The following FER1L5 variants were observed in gnomAD, a reference collection of about 807,000 sequenced individuals.
FER1L5 encodes fer-1-like protein 5.
FER1L5 carries 187 observed loss-of-function variants against 279.9 expected under a neutral mutation model. The observed-to-expected ratio is 0.67, with a 90% CI of 0.59 to 0.75. The LOEUF is 0.75. Ranked by LOEUF, FER1L5 falls within the 30% of genes least tolerant of loss-of-function variation. The pLI, the probability that FER1L5 is intolerant of heterozygous loss-of-function variation, is 0.00. For missense variants in FER1L5, 2,091 were observed against 2,594.4 expected (o/e 0.81, Z 4.21); for synonymous variants, 921 against 989.7 (o/e 0.93, Z 1.30).
In FER1L5 at chr2:96,695,540, A is replaced by C. The variant is rs746697607; in HGVS notation, c.3773A>C (p.Lys1258Thr). ...ILAWGLRNMKKASSPQLLVEF... is the reference protein window; with the variant it reads ...ILAWGLRNMKTASSPQLLVEF... ...GCCTGGGGCCTTCGGAACATGAAGA[A>C]GGCGAGCTCCCCCCAGCTCCTGGTG... Residue 1258 changes from lysine (K) to threonine (T), a missense_variant, in exon 35 of 53, where the codon AAG becomes ACG. By Grantham distance (78) the Lys-to-Thr change is moderately conservative (BLOSUM62 -1). Transcript: ENST00000624922. The C allele has an allele frequency of 4.4e-6, 7 of 1,593,816 alleles. No individual in the cohort carries two copies. In the African/African-American group the frequency reaches 5.4e-5, roughly 12 times the overall value.
Position 96,692,099 on chromosome 2 carries a change from C to T in FER1L5, c.3215-5C>T. ...AGGTGACAGGCATGGCTTCTCTTTC[C>T]CCAGAGCCCCACTACTACCAGCTCT... is the stretch of plus-strand genomic sequence containing the variant. On this transcript the variant is annotated splice_region_variant and splice_polypyrimidine_tract_variant and intron_variant, in intron 30 of 52. Transcript: ENST00000624922. 6.4e-7 allele frequency: 1 copy of T among 1,551,544 alleles called. No individual in the cohort carries two copies. Among genetic ancestry groups the T allele is most frequent in the Non-Finnish European group, 8.7e-7 (1 of 1,146,916 alleles).
chr2:96,702,786 A>ACC lies in FER1L5; in HGVS notation c.5397+47_5397+48dup, dbSNP rs1558936537. On this transcript the variant is annotated intron_variant, in intron 48 of 52. Transcript: ENST00000624922. This position sits in a 1 kb window ranked among gnomAD's most constrained non-coding sequence, Gnocchi z 4.0. ...AGGGGCAACAGGCCACAACAAACAG[A>ACC]CCCAGGCTCCTGGAGCTCCTCCCCC... 6.2e-7 allele frequency: 1 copy of ACC among 1,604,340 alleles called. No individual in the cohort carries two copies. Among genetic ancestry groups the ACC allele is most frequent in the Non-Finnish European group, 8.5e-7 (1 of 1,175,884 alleles).
intron 14 of FER1L5, among the ~76,000 whole-genome samples, chr2:96,663,936 G>A (rs1241216821): frequency 2.0e-5 from 3 of 152,020 alleles, no homozygotes; most frequent in South Asian, 2.1e-4. Flanking sequence ...CCAGCTACTC[G>A]GGAGGGTGAG....
intron 24 of FER1L5, among the ~76,000 whole-genome samples, chr2:96,688,294 A>G (rs1215574042): frequency 6.6e-6 from 1 of 152,118 alleles, no homozygotes; most frequent in Non-Finnish European, 1.5e-5. Flanking sequence ...CTCCTAGTTC[A>G]TCAACAGCAC....
At chr2:96,647,180 G>A (rs1429858405) in intron 3 of FER1L5, 25 bp downstream of exon 3, 3 of 1,548,888 alleles carry the variant, frequency 1.9e-6, no homozygotes, top group East Asian at 4.9e-5. Context: ...GGCAGGAGGA[G>A]CCTAGCTCCT....
At chr2:96,665,470 C>G (rs1028220832) in intron 14 of FER1L5, among the ~76,000 whole-genome samples, 2 of 152,174 alleles carry the variant, frequency 1.3e-5, no homozygotes, top group South Asian at 2.1e-4. Context: ...GTCCATCCCC[C>G]ATCCTTGCCA....
chr2:96,692,234 A>G, intron 31 of FER1L5, 53 bp downstream of exon 31: 1 of 1,539,482 alleles, frequency 6.5e-7, no homozygotes, highest in Non-Finnish European at 8.8e-7. Context: ...CAGGGAGGAG[A>G]GCAGGGTTGT....
In FER1L5 at chr2:96,702,350, T is replaced by C; in HGVS notation, c.5204T>C (p.Leu1735Pro). ...ATCTGGAAGACTGCCAATGTGGACC[T>C]GGTGGATGACAATTTAAGTAGAGAG... ...CIIWKTANVDLVDDNLSREKT... is the reference protein window; with the variant it reads ...CIIWKTANVDPVDDNLSREKT... Residue 1735 changes from leucine to proline, a missense_variant, in exon 47 of 53, where the codon CTG (leucine) becomes CCG (proline). Coordinates refer to ENST00000624922, the MANE Select transcript of FER1L5 (RefSeq NM_001293083.2). This position sits in a 1 kb window ranked among gnomAD's most constrained non-coding sequence, Gnocchi z 4.0. 5.6e-6 allele frequency: 9 copies of C among 1,613,222 alleles called. No individual in the cohort carries two copies. The highest frequency in any genetic ancestry group is 6.8e-6 in the Non-Finnish European group (8 of 1,179,676).
chr2:96,664,866 C>A (rs2076075134), intron 14 of FER1L5, among the ~76,000 whole-genome samples: 1 of 152,228 alleles, frequency 6.6e-6, no homozygotes, highest in Non-Finnish European at 1.5e-5. Flanking sequence ...ATCTTCTCAG[C>A]AACTTTGCCC....
chr2:96,704,041 C>T (rs916402265), intron 51 of FER1L5, among the ~76,000 whole-genome samples, 174 bp from the exon 52 acceptor site: 6 of 152,106 alleles, frequency 3.9e-5, no homozygotes, highest in African/African-American at 1.2e-4. Flanking sequence ...GTCTCAAACT[C>T]CTGACCTCAG....
Position 96,696,052 on chromosome 2 carries a change from C to T in FER1L5, c.4058C>T (p.Thr1353Met), listed in dbSNP as rs371201997. ...AQDYMHPKLP[T>M]LSEKKHQDFL... Reference sequence around the variant, plus strand: ...TCGTCCCTGCGCTCTCCCCGCACAGCGCTGTCTGAGAAGAAGCACCAAGAC... The same window carrying T: ...TCGTCCCTGCGCTCTCCCCGCACAGTGCTGTCTGAGAAGAAGCACCAAGAC... The change falls in exon 37 of 53, where the codon ACG becomes ATG. Residue 1353 changes from threonine to methionine, a missense_variant and splice_region_variant. By Grantham distance (81) the Thr-to-Met change is moderately conservative (BLOSUM62 -1). Coordinates refer to ENST00000624922, the MANE Select transcript of FER1L5 (RefSeq NM_001293083.2). 2.3e-5 allele frequency: 37 copies of T among 1,613,824 alleles called. No individual in the cohort carries two copies. The highest frequency in any genetic ancestry group is 6.7e-5 in the African/African-American group (5 of 74,950).
chr2:96,671,106 C>CGAAAAAAAAAAAA (rs2076309212), intron 18 of FER1L5, among the ~76,000 whole-genome samples: 1 of 40,222 alleles, frequency 2.5e-5, no homozygotes, highest in Non-Finnish European at 3.9e-5. Flanking sequence ...GACTCCATCT[C>CGAAAAAAAAAAAA]AAAAAAAAAA....
At chr2:96,675,709 G>C (rs1276080209) in intron 19 of FER1L5, among the ~76,000 whole-genome samples, 3 of 152,226 alleles carry the variant, frequency 2.0e-5, no homozygotes, top group Non-Finnish European at 4.4e-5. Flanking sequence ...TTACAGGCGT[G>C]AGACACTGTG....
intron 6 of FER1L5, among the ~76,000 whole-genome samples, chr2:96,650,776 C>T (rs2075326670): frequency 6.6e-6 from 1 of 152,198 alleles, no homozygotes; most frequent in African/African-American, 2.4e-5. Context: ...ACATTCCTGC[C>T]GTGGTTTTAC....
In FER1L5 at chr2:96,642,928, G is replaced by C; in HGVS notation, c.85+7G>C. The C allele has an allele frequency of 1.3e-6, 2 of 1,549,510 alleles. No homozygotes were observed. On this transcript the variant is annotated splice_region_variant and intron_variant, in intron 1 of 52. Transcript: ENST00000624922. ...ATGTCCATCGACTTCAGAGGTGAGA[G>C]CCTCCCTGGGTCCACATGGGAGAGA... is the stretch of plus-strand genomic sequence containing the variant.
At chr2:96,644,676 G>A (rs1188441290) in intron 1 of FER1L5, among the ~76,000 whole-genome samples, 1 of 152,082 alleles carries the variant, frequency 6.6e-6, no homozygotes, top group Non-Finnish European at 1.5e-5. Context: ...AGTAATGAAT[G>A]GAATTTCTTT....
intron 8 of FER1L5, 118 bp downstream of exon 8, chr2:96,653,820 A>G (rs1185908645): frequency 1.4e-6 from 1 of 709,242 alleles, no homozygotes; most frequent in Non-Finnish European, 2.4e-6. Context: ...TGTCTTCCTG[A>G]TCCCCACCAC....
At chr2:96,663,531 C>T in intron 14 of FER1L5, 24 bp downstream of exon 14, 1 of 1,550,398 alleles carries the variant, frequency 6.4e-7, no homozygotes, top group Non-Finnish European at 8.7e-7. Context: ...ATCATGCCCA[C>T]CCTTCTCCCA....
In FER1L5 at chr2:96,671,619, A is replaced by G. The variant is rs2076332566; in HGVS notation, c.1491+1372A>G. ...CTACTAGACACAGGGATGTGACATCAACACACCAAGGTTTGAACCTGTGGT... is the reference window on the plus strand; with the variant it reads ...CTACTAGACACAGGGATGTGACATCGACACACCAAGGTTTGAACCTGTGGT... On this transcript the variant is annotated intron_variant, in intron 18 of 52. Transcript: ENST00000624922. Among the ~76,000 whole-genome samples, 2 of 152,230 alleles carry G rather than the reference A, an allele frequency of 1.3e-5. 1 individual carries two copies. Among genetic ancestry groups the G allele is most frequent in the South Asian group, 4.1e-4 (2 of 4,832 alleles).
Sources: allele counts gnomAD v4.1 joint callset (sites outside exome capture counted in the v4.1 genomes callset), GRCh38; gene constraint gnomAD v4.1.1; non-coding constraint Gnocchi (gnomAD v3.1); transcripts MANE v1.5; gene names NCBI Gene and HGNC (gene_info 2026-07-23, HGNC 2026-07-21).